Variants in HS1BP3 observed in about 807,000 individuals in gnomAD.
HS1BP3 encodes the protein HCLS1-binding protein 3.
HS1BP3 carries 32 observed loss-of-function variants against 33.5 expected under a neutral mutation model. The ratio of observed to expected loss-of-function variants is 0.95; its 90% CI spans 0.72 to 1.28. The LOEUF (loss-of-function observed/expected upper bound fraction) is 1.28. Ranked by LOEUF, HS1BP3 falls within the 50% of genes most tolerant of loss-of-function variation. The pLI is 0.00. For synonymous variants in HS1BP3, 187 were observed against 209.2 expected (o/e 0.89, Z 0.92); for missense variants, 486 against 502.3 (o/e 0.97, Z 0.31).
At chr2:20,582,137 C>T (rs1693549409) in intron 5 of HS1BP3, among the ~76,000 whole-genome samples, 1 of 152,254 alleles carries the variant, frequency 6.6e-6, no homozygotes, top group Non-Finnish European at 1.5e-5. Context: ...GGTGCCCCCA[C>T]ACCAAGGAGA....
At chr2:20,589,759 T>C (rs1343124310), downstream of HS1BP3, among the ~76,000 whole-genome samples, 1 of 152,028 alleles carries the variant, frequency 6.6e-6, no homozygotes, top group Non-Finnish European at 1.5e-5. Flanking sequence ...CAGGGCTGCT[T>C]CCAGAACTGG....
chr2:20,623,804 G>T, intron 6 of HS1BP3, 92 bp downstream of exon 6: 1 of 1,408,780 alleles, frequency 7.1e-7, no homozygotes, highest in Non-Finnish European at 9.5e-7. Flanking sequence ...CCTCAGAGGA[G>T]GCTGGGGCTG....
intron 5 of HS1BP3, among the ~76,000 whole-genome samples, chr2:20,569,655 C>T (rs1693218591): frequency 6.6e-6 from 1 of 152,246 alleles, no homozygotes; most frequent in Non-Finnish European, 1.5e-5. Flanking sequence ...TCTCGGTCAC[C>T]AGCCCCACTG....
chr2:20,641,071 G>C lies in HS1BP3; in HGVS notation c.308C>G (p.Ser103Cys). The C allele has an allele frequency of 6.2e-7, 1 of 1,614,104 alleles. No homozygotes were observed. The highest frequency in any genetic ancestry group is 8.5e-7 in the Non-Finnish European group (1 of 1,180,032). The change falls in exon 3 of 7, where the codon TCT becomes TGT. Residue 103 changes from serine to cysteine, a missense_variant. Physicochemically the swap from Ser to Cys is moderately radical, Grantham distance 112. Coordinates refer to ENST00000304031, the MANE Select transcript of HS1BP3 (RefSeq NM_022460.4). ...CACGGCTCTCCTCTCCCGGATGTCA[G>C]ACTCCCCAACAAACAGGACCTTCCT... ...LPRKVLFVGE[S>C]DIRERRAVFN...
chr2:20,627,639 G>C (rs749692554), intron 4 of HS1BP3, among the ~76,000 whole-genome samples: 14 of 152,224 alleles, frequency 9.2e-5, no homozygotes, highest in Admixed American at 2.6e-4. Context: ...AAATAAAGTG[G>C]ATCTACAGCA....
At chr2:20,570,879 C>T (rs891126197) in intron 5 of HS1BP3, among the ~76,000 whole-genome samples, 3 of 152,112 alleles carry the variant, frequency 2.0e-5, no homozygotes, top group African/African-American at 4.8e-5. Context: ...TTGCTTCTCT[C>T]GGGCTGAGGC....
intron 4 of HS1BP3, chr2:20,634,894 G>A (rs956814336): frequency 6.6e-5 from 10 of 152,238 alleles, no homozygotes; most frequent in African/African-American, 2.4e-4. Context: ...CCCCCTTCCA[G>A]GGAGTCTGGG....
intron 1 of HS1BP3, 49 bp from the exon 2 acceptor site, chr2:20,645,554 C>T (rs1205090741): frequency 4.5e-6 from 7 of 1,555,326 alleles, no homozygotes; most frequent in Non-Finnish European, 6.1e-6. Flanking sequence ...AGGCAGTAGG[C>T]TTCCCGAGCA....
At chr2:20,556,438 C>T (rs2348869), downstream of HS1BP3, among the ~76,000 whole-genome samples, 140,917 of 152,224 alleles carry the variant, frequency 0.93, 66,219 homozygotes, top group East Asian at 1. Context: ...ACTTATTTTA[C>T]ATCATCAGAC....
chr2:20,595,618 G>A (rs189899852), intron 3 of HS1BP3, among the ~76,000 whole-genome samples: 73 of 152,358 alleles, frequency 4.8e-4, no homozygotes, highest in African/African-American at 1.3e-3. Context: ...CCTGCTCTGT[G>A]CTGCGGCCCT....
rs750307846 is a variant in HS1BP3 at position 20,641,024 on chromosome 2, C to A, written c.355G>T (p.Val119Phe). The A allele has an allele frequency of 6.2e-7, 1 of 1,614,180 alleles. No individual in the cohort carries two copies. Among genetic ancestry groups the A allele is most frequent in the Non-Finnish European group, 8.5e-7 (1 of 1,180,032 alleles). ...CCTGCCAACTCGGCATCCTTGGAGA[C>A]ACAGCGCAGGATCTCATTGAACACG... ...RAVFNEILRC[V>F]SKDAELAGSP... is the part of the protein sequence containing the mutation. The change falls in exon 3 of 7, where the codon GTC becomes TTC. Residue 119 changes from valine (V) to phenylalanine (F), a missense_variant. Physicochemically the swap from Val to Phe is conservative, Grantham distance 50. Coordinates refer to ENST00000304031, the MANE Select transcript of HS1BP3 (RefSeq NM_022460.4).
At chr2:20,571,894 C>A (rs947895702) in intron 5 of HS1BP3, among the ~76,000 whole-genome samples, 2 of 152,234 alleles carry the variant, frequency 1.3e-5, no homozygotes, top group African/African-American at 4.8e-5. Context: ...GTCCTGCCTG[C>A]TCTTCTCCAG....
intron 5 of HS1BP3, among the ~76,000 whole-genome samples, chr2:20,579,511 C>A (rs1323310954): frequency 6.6e-6 from 1 of 152,228 alleles, no homozygotes; most frequent in Non-Finnish European, 1.5e-5. Flanking sequence ...AGACTTCCGG[C>A]CCTCAGAGAA....
At chr2:20,649,234 T>C (rs1695611580) in intron 1 of HS1BP3, among the ~76,000 whole-genome samples, 1 of 152,212 alleles carries the variant, frequency 6.6e-6, no homozygotes, top group African/African-American at 2.4e-5. Context: ...CCGCATCACC[T>C]AACACTCTCC....
chr2:20,579,068 G>A (rs1693468265), intron 5 of HS1BP3, among the ~76,000 whole-genome samples: 1 of 152,220 alleles, frequency 6.6e-6, no homozygotes, highest in African/African-American at 2.4e-5. Flanking sequence ...TCTCAGGTCA[G>A]TCCTCCCTGG....
chr2:20,582,198 G>C (rs188528793), intron 5 of HS1BP3, among the ~76,000 whole-genome samples: 2 of 152,196 alleles, frequency 1.3e-5, no homozygotes, highest in South Asian at 4.1e-4. Context: ...TCCTGGAGGC[G>C]AAGGCTCCCA....
chr2:20,556,554 T>C (rs1300635487), downstream of HS1BP3, among the ~76,000 whole-genome samples: 2 of 152,220 alleles, frequency 1.3e-5, no homozygotes, highest in Non-Finnish European at 2.9e-5. Context: ...GCTTTGTCTA[T>C]AGGTCGATTT....
chr2:20,602,785 G>A (rs1694099252), intron 2 of HS1BP3, among the ~76,000 whole-genome samples: 1 of 152,174 alleles, frequency 6.6e-6, no homozygotes, highest in African/African-American at 2.4e-5. Flanking sequence ...TCAAGAAAGT[G>A]AAAATACAGC....
downstream of HS1BP3, among the ~76,000 whole-genome samples, chr2:20,555,877 C>G (rs964699064): frequency 1.3e-5 from 2 of 152,186 alleles, no homozygotes; most frequent in Non-Finnish European, 2.9e-5. Context: ...AATTCTCACT[C>G]CCCTTCCCCA....
Sources: allele counts gnomAD v4.1 joint callset (sites outside exome capture counted in the v4.1 genomes callset), GRCh38; gene constraint gnomAD v4.1.1; transcripts MANE v1.5; gene names NCBI Gene and HGNC (gene_info 2026-07-23, HGNC 2026-07-21).